The following CA5A variants were observed in gnomAD, a reference collection of about 807,000 sequenced individuals.
CA5A encodes the protein carbonic anhydrase 5A.
CA5A carries 28 observed loss-of-function variants against 37.1 expected under a neutral mutation model. The observed-to-expected ratio is 0.75, with a 90% CI of 0.56 to 1.03. The LOEUF (loss-of-function observed/expected upper bound fraction) is 1.03. CA5A is among the 50% of genes least tolerant of loss of function. CA5A has a pLI of 0.00. For missense variants in CA5A, 444 were observed against 399.9 expected, an observed-to-expected ratio of 1.11 and a Z score of -0.94; for synonymous variants, 171 against 158.4, an observed-to-expected ratio of 1.08 and a Z score of -0.60.
intron 1 of CA5A, 134 bp downstream of exon 1, chr16:87,936,171 TAAAA>T (rs57177923): frequency 5.0e-4 from 218 of 435,180 alleles, no homozygotes; most frequent in East Asian, 7.6e-4. Context: ...GACGCCATCT[TAAAA>T]AAAAAAAAAA....
rs2143948076 is a variant in CA5A at position 87,901,993 on chromosome 16, A to G, written c.556-19T>C. 1 of 1,611,540 alleles carries G rather than the reference A, an allele frequency of 6.2e-7. No individual in the cohort carries two copies. The highest frequency in any genetic ancestry group is 2.2e-5 in the East Asian group (1 of 44,822). On this transcript the variant is annotated intron_variant, in intron 4 of 6. Transcript: ENST00000649794. ...CCCCGAGCTGCATGGCAGACAAAGG[A>G]GGGGTTAGCTGCAAAGGCAGTGGAT...
At chr16:87,883,588 C>T (rs1421620604), downstream of CA5A, 2 of 151,618 alleles carry the variant, frequency 1.3e-5, no homozygotes, top group African/African-American at 4.9e-5. Context: ...CCTCAGCCTT[C>T]CAAAGTGCTG....
intron 1 of CA5A, among the ~76,000 whole-genome samples, chr16:87,928,909 A>G (rs1329042083): frequency 6.7e-6 from 1 of 149,742 alleles, no homozygotes; most frequent in Non-Finnish European, 1.5e-5. Flanking sequence ...GCTCTATTAC[A>G]GGCACGCGCC....
At chr16:87,907,459 G>A (rs1404269913) in intron 2 of CA5A, among the ~76,000 whole-genome samples, 1 of 152,230 alleles carries the variant, frequency 6.6e-6, no homozygotes, top group East Asian at 1.9e-4. Flanking sequence ...GCTCACTCAT[G>A]ATAAGTTTAC....
intron 2 of CA5A, among the ~76,000 whole-genome samples, chr16:87,913,675 G>A (rs1414888581): frequency 3.7e-5 from 5 of 134,532 alleles, no homozygotes; most frequent in African/African-American, 1.1e-4. Context: ...TCTCCAATAC[G>A]AAGAGCCCAC....
intron 6 of CA5A, among the ~76,000 whole-genome samples, chr16:87,890,885 C>A (rs2055703545): frequency 6.6e-6 from 1 of 151,518 alleles, no homozygotes; most frequent in Non-Finnish European, 1.5e-5. Context: ...GCCTCTGCCT[C>A]CCGGCTTCAA....
intron 2 of CA5A, among the ~76,000 whole-genome samples, chr16:87,912,447 AAT>A (rs1343833996): frequency 6.6e-6 from 1 of 152,246 alleles, no homozygotes; most frequent in African/African-American, 2.4e-5. Flanking sequence ...TCGAAAGATA[AAT>A]ATGTCTTAAG....
intron 2 of CA5A, among the ~76,000 whole-genome samples, chr16:87,919,449 G>A (rs1006348423): frequency 2.6e-4 from 40 of 152,208 alleles, no homozygotes; most frequent in African/African-American, 9.2e-4. Context: ...CGGGAAAGAG[G>A]CGACATCGCT....
At chr16:87,888,912 C>G (rs1252702181) in intron 6 of CA5A, among the ~76,000 whole-genome samples, 1 of 149,486 alleles carries the variant, frequency 6.7e-6, no homozygotes, top group East Asian at 1.9e-4. Flanking sequence ...GCCACCACGC[C>G]CGGCTAATTT....
At chr16:87,929,165 G>C (rs1007097340) in intron 1 of CA5A, among the ~76,000 whole-genome samples, 1 of 150,008 alleles carries the variant, frequency 6.7e-6, no homozygotes, top group South Asian at 2.2e-4. Flanking sequence ...AAGATGTATA[G>C]CCCTGGCTGG....
At chr16:87,889,020 A>T (rs1355995205) in intron 6 of CA5A, among the ~76,000 whole-genome samples, 1 of 151,890 alleles carries the variant, frequency 6.6e-6, no homozygotes, top group African/African-American at 2.4e-5. Flanking sequence ...CCTGGGTTCA[A>T]GGGATTCTCC....
At chr16:87,930,735 A>ATTT (rs68126628) in intron 1 of CA5A, among the ~76,000 whole-genome samples, 3 of 134,498 alleles carry the variant, frequency 2.2e-5, no homozygotes, top group African/African-American at 2.9e-5. Context: ...CTTTGGATCT[A>ATTT]TTTTTTTTTT....
intron 5 of CA5A, 105 bp downstream of exon 5, chr16:87,901,807 G>A (rs555610444): frequency 1.1e-4 from 92 of 872,660 alleles, no homozygotes; most frequent in Non-Finnish European, 1.6e-4. Flanking sequence ...GGCTGGTCTC[G>A]AACTCCCAAC....
intron 1 of CA5A, among the ~76,000 whole-genome samples, chr16:87,930,963 T>C (rs559475715): frequency 1.3e-5 from 2 of 151,098 alleles, no homozygotes; most frequent in East Asian, 4.0e-4. Flanking sequence ...ATGGTCTCGA[T>C]CTCCTGACCT....
At chr16:87,900,642 C>A (rs892532163) in intron 5 of CA5A, among the ~76,000 whole-genome samples, 1 of 152,246 alleles carries the variant, frequency 6.6e-6, no homozygotes, top group African/African-American at 2.4e-5. Flanking sequence ...TGGAGAAAGG[C>A]GACACTGTTG....
chr16:87,913,976 C>T (rs144918191), intron 2 of CA5A, among the ~76,000 whole-genome samples: 109 of 152,316 alleles, frequency 7.2e-4, no homozygotes, highest in African/African-American at 2.5e-3. Context: ...GGCGGCAGCG[C>T]GTTCATCCAC....
rs565557401 is a variant in CA5A, at chr16:87,899,919, CAAAAAAAAAAAAAA to C, written c.618+1979_618+1992del. Among the ~76,000 whole-genome samples the C allele has an allele frequency of 7.2e-3, 333 of 46,534 alleles. 3 individuals carry two copies. Among genetic ancestry groups the C allele is most frequent in the South Asian group, 0.032 (41 of 1,298 alleles). The allele number at this position is 46,534 out of a possible 152,430, so 30.5% of individuals were successfully genotyped here. A position where few individuals can be genotyped will look rare whatever the true frequency, so the allele number is the denominator to read the frequency against. On this transcript the variant is annotated intron_variant, in intron 5 of 6. Coordinates refer to ENST00000649794, the MANE Select transcript of CA5A (RefSeq NM_001739.2). ...TGGGCAACAGAGCGAGATTTTATCT[CAAAAAAAAAAAAAA>C]AAAAAAAAAAAAAAAAAAAGAGTCT...
intron 2 of CA5A, among the ~76,000 whole-genome samples, chr16:87,914,932 C>T (rs1222234391): frequency 3.3e-5 from 5 of 152,206 alleles, no homozygotes; most frequent in Admixed American, 6.5e-5. Context: ...GTCTTCGGAA[C>T]GAGAGTTAAT....
At chr16:87,924,910 C>T (rs530557572) in intron 2 of CA5A, among the ~76,000 whole-genome samples, 1 of 152,338 alleles carries the variant, frequency 6.6e-6, no homozygotes, top group East Asian at 1.9e-4. Flanking sequence ...CCTCGATTCT[C>T]TCCCTGCAGC....
Sources: allele counts gnomAD v4.1 joint callset (sites outside exome capture counted in the v4.1 genomes callset), GRCh38; gene constraint gnomAD v4.1.1; transcripts MANE v1.5; gene names NCBI Gene and HGNC (gene_info 2026-07-23, HGNC 2026-07-21).